Variants in GET1 observed in about 807,000 individuals in gnomAD.
GET1 encodes the protein congenital heart disease 5 protein.
In GET1, 20 loss-of-function variants were observed where a neutral mutation model predicts 22.6. The observed-to-expected ratio is 0.89, with a 90% CI of 0.62 to 1.29. GET1 has a LOEUF of 1.29. Among genes scored for constraint, GET1 ranks in the 50% most tolerant of loss-of-function variants. The probability of loss-of-function intolerance (pLI) is 0.00; values close to 1 mark genes in which losing one functional copy is unlikely to be tolerated. For synonymous variants in GET1, 92 were observed against 83.8 expected, an observed-to-expected ratio of 1.10 and a Z score of -0.53; for missense variants, 209 against 219.9, an observed-to-expected ratio of 0.95 and a Z score of 0.31.
At chr21:39,417,197 T>A (rs2041349970) in intron 1 of GET1, among the ~76,000 whole-genome samples, 1 of 152,142 alleles carries the variant, frequency 6.6e-6, no homozygotes, top group Admixed American at 6.6e-5. Flanking sequence ...CACACCTGGC[T>A]AATTTTTTTA....
At chr21:39,411,771 A>G (rs781182755) in intron 1 of GET1, 3 of 1,590,060 alleles carry the variant, frequency 1.9e-6, no homozygotes, top group Non-Finnish European at 1.7e-6. Flanking sequence ...ATGACTATAG[A>G]TGTTTTTAAT....
intron 1 of GET1, among the ~76,000 whole-genome samples, chr21:39,426,257 A>G (rs2074684979): frequency 6.6e-6 from 1 of 152,126 alleles, no homozygotes; most frequent in Non-Finnish European, 1.5e-5. Flanking sequence ...ACAAATTCAT[A>G]CTGTATCCAT....
rs1160987110 is a variant in GET1, at chr21:39,396,858, G to C, written c.452-8G>C. ...ATGCGCTCTCATGGTGAATGTCTTT[G>C]TTTTCAGGTGGTGTTGGAATTACCT... On this transcript the variant is annotated splice_polypyrimidine_tract_variant and splice_region_variant and intron_variant, in intron 4 of 4. Transcript: ENST00000649170. The C allele has an allele frequency of 1.2e-6, 2 of 1,613,738 alleles. No homozygotes were observed. Among genetic ancestry groups the C allele is most frequent in the African/African-American group, 1.3e-5 (1 of 74,850 alleles).
At position 39,392,895 on chromosome 21, in the gene GET1, A is replaced by C. The variant is rs548485847; in HGVS notation, c.337-271A>C. On this transcript the variant is annotated intron_variant, in intron 3 of 4. Coordinates refer to ENST00000649170, the MANE Select transcript of GET1 (RefSeq NM_004627.6). ...GTTCATCCTAAAACAGTGAAATGCC[A>C]GTTCACATAGGAAGGCTCGCCTACT... The C allele has an allele frequency of 1.0e-3, 400 of 387,816 alleles. 1 individual carries two copies. Among genetic ancestry groups the C allele is most frequent in the South Asian group, 1.9e-3 (40 of 21,506 alleles). 24.0% of individuals were successfully genotyped at this position (387,816 alleles called of 1,614,324 possible).
intron 2 of GET1, chr21:39,391,558 C>G: frequency 2.2e-6 from 1 of 447,850 alleles, no homozygotes; most frequent in Non-Finnish European, 4.0e-6. Flanking sequence ...CTATTCAAAT[C>G]TCAATCTGAG....
intron 1 of GET1, chr21:39,423,630 A>G (rs1343283743): frequency 4.8e-6 from 3 of 627,420 alleles, no homozygotes; most frequent in African/African-American, 1.9e-5. Flanking sequence ...CTAGAAGGGG[A>G]CAAAACTATC....
At chr21:39,406,273 C>G in exon 5 of GET1, 2 of 1,614,224 alleles carry the variant, frequency 1.2e-6, no homozygotes, top group Non-Finnish European at 1.7e-6. Flanking sequence ...GGCTGGCCCC[C>G]CTGAAGCAGG....
chr21:39,401,941 TC>T (rs1006540733), downstream of GET1, among the ~76,000 whole-genome samples: 16 of 152,092 alleles, frequency 1.1e-4, no homozygotes, highest in African/African-American at 3.6e-4. Flanking sequence ...ACTTGGCCAT[TC>T]CCGTCTCTCC....
At chr21:39,410,073 G>A (rs1238940659), downstream of GET1, 55 of 1,609,696 alleles carry the variant, frequency 3.4e-5, no homozygotes, top group Non-Finnish European at 4.4e-5. Context: ...CTTTATGATC[G>A]ATGTTTCCTG....
chr21:39,408,445 G>A (rs1365436047), downstream of GET1, among the ~76,000 whole-genome samples: 1 of 152,206 alleles, frequency 6.6e-6, no homozygotes, highest in African/African-American at 2.4e-5. Context: ...AGGAAATGAT[G>A]AAGGGCAATC....
At chr21:39,423,121 G>C in intron 1 of GET1, 2 of 1,613,850 alleles carry the variant, frequency 1.2e-6, no homozygotes, top group Non-Finnish European at 1.7e-6. Flanking sequence ...CTGGCTGTCA[G>C]TTTCTCTAAG....
intron 3 of GET1, 91 bp downstream of exon 3, chr21:39,391,927 C>A (rs1569038573): frequency 1.6e-6 from 2 of 1,239,498 alleles, no homozygotes; most frequent in South Asian, 1.2e-5. Context: ...GGAGTTCGGG[C>A]TGTTCCACCT....
At chr21:39,408,492 G>A (rs2039491046), downstream of GET1, 1 of 152,374 alleles carries the variant, frequency 6.6e-6, no homozygotes. Context: ...TGAGGAGACA[G>A]ACTAGGACCC....
chr21:39,388,317 G>A (rs537998326), intron 1 of GET1, among the ~76,000 whole-genome samples: 1 of 152,302 alleles, frequency 6.6e-6, no homozygotes, highest in Admixed American at 6.5e-5. Flanking sequence ...GCAGTGAGCC[G>A]AGATCTAATG....
chr21:39,396,489 CTG>C (rs1349582281), intron 4 of GET1, among the ~76,000 whole-genome samples: 5 of 151,526 alleles, frequency 3.3e-5, no homozygotes, highest in Non-Finnish European at 7.4e-5. Context: ...GATCGCGCCA[CTG>C]TACTCCCACC....
intron 1 of GET1, among the ~76,000 whole-genome samples, chr21:39,389,589 C>G (rs1016803041): frequency 3.3e-5 from 5 of 152,204 alleles, no homozygotes; most frequent in African/African-American, 1.2e-4. Context: ...TGCCTCTCCC[C>G]ACCTGGGCTC....
intron 1 of GET1, among the ~76,000 whole-genome samples, chr21:39,426,968 A>G (rs1398832095): frequency 6.6e-6 from 1 of 152,234 alleles, no homozygotes; most frequent in Non-Finnish European, 1.5e-5. Context: ...AATGCATAGA[A>G]TTTCATGGGG....
At chr21:39,395,358 A>T (rs1007248216) in intron 4 of GET1, among the ~76,000 whole-genome samples, 6 of 134,652 alleles carry the variant, frequency 4.5e-5, no homozygotes, top group Middle Eastern at 7.5e-3. Context: ...CTGTATCAAA[A>T]GGAATGACTA....
chr21:39,426,813 C>T (rs1468116254), intron 1 of GET1, among the ~76,000 whole-genome samples: 1 of 152,186 alleles, frequency 6.6e-6, no homozygotes, highest in Admixed American at 6.5e-5. Context: ...GAGAGAAGTA[C>T]TGGACTTTTC....
Sources: allele counts gnomAD v4.1 joint callset (sites outside exome capture counted in the v4.1 genomes callset), GRCh38; gene constraint gnomAD v4.1.1; transcripts MANE v1.5; gene names NCBI Gene and HGNC (gene_info 2026-07-23, HGNC 2026-07-21).